ARHGEF3: variants seen among roughly 807,000 people sequenced by gnomAD.
ARHGEF3 encodes Rho guanine nucleotide exchange factor 3, also known as 59.8 kDA protein.
A neutral mutation model predicts 63.2 loss-of-function variants in ARHGEF3; 28 were observed. That is an observed-to-expected ratio of 0.44 (90% confidence interval 0.33 to 0.61). The LOEUF is 0.61. ARHGEF3 is among the 20% of genes least tolerant of loss of function. ARHGEF3 has a pLI of 0.03. For missense variants in ARHGEF3, 533 were observed against 659.3 expected, an observed-to-expected ratio of 0.81 and a Z score of 2.10; for synonymous variants, 266 against 254.2, an observed-to-expected ratio of 1.05 and a Z score of -0.44.
intron 4 of ARHGEF3, among the ~76,000 whole-genome samples, chr3:56,816,136 G>T (rs997054006): frequency 6.6e-6 from 1 of 152,110 alleles, no homozygotes; most frequent in Non-Finnish European, 1.5e-5. Flanking sequence ...GATGGCTTGA[G>T]CCCAGGAGTT....
At position 56,873,228 on chromosome 3, in the gene ARHGEF3, T is replaced by G. The variant is rs1199435625; in HGVS notation, c.192+9064A>C. On this transcript the variant is annotated intron_variant, in intron 4 of 12. Coordinates refer to the ARHGEF3 transcript ENST00000338458. ...TTTACTTTTGTGCTATGTTTGTTTT[T>G]TTTTTTTTAACTTTTAAGTTCAGGC... Among the ~76,000 whole-genome samples, 16 of 151,626 alleles carry G rather than the reference T, an allele frequency of 1.1e-4. No individual in the cohort carries two copies. In the East Asian group the frequency reaches 3.1e-3, roughly 29 times the overall value.
intron 4 of ARHGEF3, among the ~76,000 whole-genome samples, chr3:56,809,614 G>A (rs987282216): frequency 6.6e-6 from 1 of 152,134 alleles, no homozygotes; most frequent in Non-Finnish European, 1.5e-5. Flanking sequence ...AACATTTTCT[G>A]TGTACTACTA....
chr3:56,932,148 G>C (rs957051922), intron 3 of ARHGEF3, among the ~76,000 whole-genome samples: 2 of 152,118 alleles, frequency 1.3e-5, no homozygotes, highest in Admixed American at 6.5e-5. Flanking sequence ...GCCTGTTGGG[G>C]AGGATTTTTA....
rs948237919 is a variant in ARHGEF3 at position 56,727,965 on chromosome 3, T to A, written c.*1305A>T. On this transcript the variant is annotated 3_prime_UTR_variant, in exon 10 of 10. Transcript: ENST00000296315. ...TAAAAAAAACTTTTTGGCAATAATT[T>A]AGAATAATTACCACTAGTGCTGGTG... 2 of 152,656 alleles carry A rather than the reference T, an allele frequency of 1.3e-5. No individual in the cohort carries two copies. Among genetic ancestry groups the A allele is most frequent in the African/African-American group, 4.8e-5 (2 of 41,456 alleles). 9.5% of individuals were successfully genotyped at this position (152,656 alleles called of 1,614,324 possible). A position where few individuals can be genotyped will look rare whatever the true frequency, so the allele number is the denominator to read the frequency against.
At chr3:56,902,619 C>T (rs1488010086) in intron 3 of ARHGEF3, among the ~76,000 whole-genome samples, 4 of 152,284 alleles carry the variant, frequency 2.6e-5, no homozygotes, top group South Asian at 4.1e-4. Context: ...TACTGAGTTT[C>T]GAGATGACTA....
chr3:56,800,962 G>A (rs2037621060), intron 1 of ARHGEF3, among the ~76,000 whole-genome samples: 2 of 152,216 alleles, frequency 1.3e-5, no homozygotes, highest in South Asian at 4.1e-4. Context: ...ACACGCAAGA[G>A]GAAAAGGCAG....
intron 2 of ARHGEF3, among the ~76,000 whole-genome samples, chr3:56,756,817 G>A (rs2035099445): frequency 1.3e-5 from 2 of 152,282 alleles, no homozygotes; most frequent in African/African-American, 4.8e-5. Flanking sequence ...CCGAAGTGCT[G>A]GAATTACAGG....
intron 1 of ARHGEF3, among the ~76,000 whole-genome samples, chr3:57,067,906 C>T (rs1028897979): frequency 4.6e-5 from 7 of 151,824 alleles, no homozygotes; most frequent in South Asian, 2.1e-4. Context: ...AGGAGAATGG[C>T]GTGAACCTGG....
intron 4 of ARHGEF3, among the ~76,000 whole-genome samples, chr3:56,853,656 T>C (rs1486743878): frequency 3.9e-5 from 6 of 152,182 alleles, no homozygotes; most frequent in Non-Finnish European, 8.8e-5. Flanking sequence ...GTAGACTATG[T>C]TGCTCAATGT....
intron 2 of ARHGEF3, among the ~76,000 whole-genome samples, chr3:56,973,739 T>C (rs978781946): frequency 5.9e-5 from 9 of 152,054 alleles, no homozygotes; most frequent in Admixed American, 5.2e-4. Context: ...CCCTGGTGAC[T>C]TGACAAGAAA....
intron 2 of ARHGEF3, among the ~76,000 whole-genome samples, chr3:56,771,388 G>T (rs1254865580): frequency 6.6e-6 from 1 of 152,214 alleles, no homozygotes; most frequent in African/African-American, 2.4e-5. Flanking sequence ...GATTTTGAAG[G>T]TATGGTAACA....
intron 4 of ARHGEF3, among the ~76,000 whole-genome samples, chr3:56,855,966 C>T (rs968782152): frequency 7.2e-5 from 11 of 152,244 alleles, no homozygotes; most frequent in Admixed American, 3.9e-4. Context: ...AATTCCACTA[C>T]TTGGCTCAAA....
chr3:57,068,446 C>T (rs1705689714), intron 1 of ARHGEF3, among the ~76,000 whole-genome samples: 1 of 152,230 alleles, frequency 6.6e-6, no homozygotes, highest in Non-Finnish European at 1.5e-5. Context: ...CCTAAATTAA[C>T]TTGCCAATTC....
intron 4 of ARHGEF3, among the ~76,000 whole-genome samples, chr3:56,837,417 T>C (rs1440240751): frequency 1.3e-5 from 2 of 152,194 alleles, no homozygotes; most frequent in Non-Finnish European, 2.9e-5. Context: ...GACTGCTCAA[T>C]GGAATTAGTC....
At chr3:56,842,877 C>T (rs1330089188) in intron 4 of ARHGEF3, among the ~76,000 whole-genome samples, 2 of 152,140 alleles carry the variant, frequency 1.3e-5, no homozygotes, top group East Asian at 3.8e-4. Flanking sequence ...TTAGTTCATC[C>T]TTTTCTTTAT....
chr3:56,962,003 T>C (rs1376362459), intron 2 of ARHGEF3, among the ~76,000 whole-genome samples: 4 of 152,168 alleles, frequency 2.6e-5, no homozygotes. Flanking sequence ...TATGATCATA[T>C]TACTGCCCCC....
chr3:57,053,794 C>G (rs1406271325), intron 1 of ARHGEF3, among the ~76,000 whole-genome samples: 1 of 152,208 alleles, frequency 6.6e-6, no homozygotes, highest in Non-Finnish European at 1.5e-5. Context: ...CCAGTCATCA[C>G]TGTGTTAGAA....
chr3:56,814,292 CT>C (rs918986232), intron 4 of ARHGEF3, among the ~76,000 whole-genome samples: 2 of 151,818 alleles, frequency 1.3e-5, no homozygotes, highest in Admixed American at 6.6e-5. Context: ...CGTTATGAGA[CT>C]TTTTTTTGCG....
chr3:56,798,192 C>T (rs1321174909), intron 1 of ARHGEF3, among the ~76,000 whole-genome samples: 1 of 152,186 alleles, frequency 6.6e-6, no homozygotes, highest in East Asian at 1.9e-4. Flanking sequence ...AAATAAGAAC[C>T]TATACTTTGG....
Sources: allele counts gnomAD v4.1 joint callset (sites outside exome capture counted in the v4.1 genomes callset), GRCh38; gene constraint gnomAD v4.1.1; transcripts MANE v1.5; gene names NCBI Gene and HGNC (gene_info 2026-07-23, HGNC 2026-07-21).